SMAD3: variants seen among roughly 807,000 people sequenced by gnomAD.
The protein encoded by SMAD3 is MAD homolog 3.
A neutral mutation model predicts 51.8 loss-of-function variants in SMAD3; 12 were observed. That is an observed-to-expected ratio of 0.23 (90% CI 0.15 to 0.38). SMAD3 has a LOEUF of 0.38. Ranked by LOEUF, SMAD3 falls within the 10% of genes least tolerant of loss-of-function variation. SMAD3 has a pLI of 1.00. For missense variants in SMAD3, 294 were observed against 565.6 expected, an observed-to-expected ratio of 0.52 and a Z score of 4.87; for synonymous variants, 238 against 227.7, an observed-to-expected ratio of 1.05 and a Z score of -0.41.
intron 1 of SMAD3, among the ~76,000 whole-genome samples, chr15:67,084,466 G>A (rs1463167135): frequency 6.6e-6 from 1 of 152,132 alleles, no homozygotes; most frequent in East Asian, 1.9e-4. Flanking sequence ...TTTCCTGGGG[G>A]ACAAATCTAA....
At chr15:67,124,016 C>G (rs897717690) in intron 1 of SMAD3, among the ~76,000 whole-genome samples, 4 of 152,192 alleles carry the variant, frequency 2.6e-5, no homozygotes, top group Non-Finnish European at 4.4e-5. Flanking sequence ...TAGACAGAGT[C>G]TCCCTCTGTC....
At chr15:67,099,174 A>C (rs983095790) in intron 1 of SMAD3, 29 of 628,166 alleles carry the variant, frequency 4.6e-5, no homozygotes, top group African/African-American at 4.2e-4. Context: ...ACAGGGCTGG[A>C]AAGTGGGATA....
At chr15:67,183,025 A>ATTTTTTTT (rs1963122119) in intron 6 of SMAD3, among the ~76,000 whole-genome samples, 4 of 69,604 alleles carry the variant, frequency 5.7e-5, no homozygotes, top group African/African-American at 2.8e-4. Context: ...ATATATATAT[A>ATTTTTTTT]TATATATTTT....
chr15:67,121,688 T>C (rs569130539), intron 1 of SMAD3, among the ~76,000 whole-genome samples: 1 of 152,254 alleles, frequency 6.6e-6, no homozygotes, highest in African/African-American at 2.4e-5. Context: ...TTCTACAGTA[T>C]GCCTGATTTC....
intron 1 of SMAD3, among the ~76,000 whole-genome samples, chr15:67,101,646 G>A (rs530122433): frequency 3.7e-4 from 57 of 152,324 alleles, no homozygotes; most frequent in Non-Finnish European, 6.3e-4. Flanking sequence ...GATCTTGGAA[G>A]TTCAGTTATA....
chr15:67,185,604 T>C (rs1280845753), intron 7 of SMAD3, among the ~76,000 whole-genome samples: 2 of 152,044 alleles, frequency 1.3e-5, no homozygotes, highest in African/African-American at 2.4e-5. Context: ...TCTAGGGAAC[T>C]GCTGAGGGTT....
At chr15:67,096,094 A>G (rs1363842354) in intron 1 of SMAD3, among the ~76,000 whole-genome samples, 1 of 152,240 alleles carries the variant, frequency 6.6e-6, no homozygotes, top group African/African-American at 2.4e-5. Flanking sequence ...TCTTGGTTGT[A>G]GAAAGAAGGC....
chr15:67,066,830 A>T (rs183618059), intron 1 of SMAD3, among the ~76,000 whole-genome samples: 99 of 152,298 alleles, frequency 6.5e-4, no homozygotes, highest in Middle Eastern at 3.4e-3. Context: ...TTTCCTCTAC[A>T]GGAATGCGGT....
chr15:67,088,480 T>C (rs1960440990), intron 1 of SMAD3, among the ~76,000 whole-genome samples: 1 of 152,162 alleles, frequency 6.6e-6, no homozygotes, highest in African/African-American at 2.4e-5. Context: ...ACCTCACAAA[T>C]GCAGCAAAGC....
In SMAD3 at chr15:67,181,164, A is replaced by C. The variant is rs887120843; in HGVS notation, c.659-77A>C. On this transcript the variant is annotated intron_variant, in intron 5 of 8. Transcript: ENST00000327367. ...GAAATGCGGGGAAATGGTTTTCCAG[A>C]GTGTCCATGGGACCCCATCGAGGGA... is the stretch of plus-strand genomic sequence containing the variant. The C allele has an allele frequency of 2.8e-6, 3 of 1,066,544 alleles. No individual in the cohort carries two copies. In the African/African-American group the frequency reaches 4.7e-5, roughly 17 times the overall value. 66.1% of individuals were successfully genotyped at this position (1,066,544 alleles called of 1,614,324 possible).
intron 1 of SMAD3, among the ~76,000 whole-genome samples, chr15:67,122,060 T>C (rs1231664520): frequency 2.6e-5 from 4 of 152,232 alleles, no homozygotes; most frequent in Non-Finnish European, 5.9e-5. Flanking sequence ...TCAGCTCATA[T>C]AGAGCAGCAC....
intron 3 of SMAD3, 155 bp from the exon 4 acceptor site, chr15:67,166,624 C>T (rs1243574488): frequency 4.3e-6 from 3 of 698,742 alleles, no homozygotes; most frequent in Admixed American, 2.0e-5. Context: ...GCGAGGACAA[C>T]AGAACCAAGA....
chr15:67,127,484 G>GC (rs991362065), intron 1 of SMAD3, among the ~76,000 whole-genome samples: 1 of 152,176 alleles, frequency 6.6e-6, no homozygotes, highest in Non-Finnish European at 1.5e-5. Flanking sequence ...CCTGCAGACG[G>GC]CCCTCTACCT....
chr15:67,094,795 T>C (rs1403124301), intron 1 of SMAD3, among the ~76,000 whole-genome samples: 1 of 137,592 alleles, frequency 7.3e-6, no homozygotes, highest in African/African-American at 2.8e-5. Flanking sequence ...CCTGACTTGA[T>C]GTTCCAGAGC....
intron 5 of SMAD3, among the ~76,000 whole-genome samples, chr15:67,176,059 A>G (rs1962884691): frequency 6.6e-6 from 1 of 152,226 alleles, no homozygotes; most frequent in Non-Finnish European, 1.5e-5. Flanking sequence ...ATAAGCTAAA[A>G]GGGCATGGGG....
intron 1 of SMAD3, among the ~76,000 whole-genome samples, chr15:67,069,385 C>T (rs1960001446): frequency 6.6e-6 from 1 of 152,136 alleles, no homozygotes; most frequent in Non-Finnish European, 1.5e-5. Flanking sequence ...CTGAGTAAAG[C>T]TGCAGGTATC....
At chr15:67,095,303 G>C (rs1327726647) in intron 1 of SMAD3, among the ~76,000 whole-genome samples, 1 of 152,126 alleles carries the variant, frequency 6.6e-6, no homozygotes, top group South Asian at 2.1e-4. Flanking sequence ...TTCAGTATTG[G>C]ATCCTTTGGC....
intron 1 of SMAD3, among the ~76,000 whole-genome samples, chr15:67,152,983 G>GTGCTT (rs1962186663): frequency 6.6e-6 from 1 of 152,194 alleles, no homozygotes; most frequent in African/African-American, 2.4e-5. Flanking sequence ...TAAACCCAGT[G>GTGCTT]TGCTTTGTAG....
chr15:67,101,158 A>G (rs551744526), intron 1 of SMAD3, among the ~76,000 whole-genome samples: 1 of 152,326 alleles, frequency 6.6e-6, no homozygotes, highest in South Asian at 2.1e-4. Context: ...TTGGGCAGTT[A>G]GCGAAAGGGA....
Sources: gnomAD v4.1 joint callset for allele counts (sites outside exome capture counted in the v4.1 genomes callset) on GRCh38, gnomAD v4.1.1 for gene constraint, MANE v1.5 for transcripts, NCBI Gene and HGNC (gene_info 2026-07-23, HGNC 2026-07-21) for gene names.